RERE: variants seen among roughly 807,000 people sequenced by gnomAD.
The protein encoded by RERE is arginine-glutamic acid dipeptide repeats protein.
In RERE, 40 loss-of-function variants were observed where a neutral mutation model predicts 146.1. The ratio of observed to expected loss-of-function variants is 0.27; its 90% confidence interval spans 0.21 to 0.36. RERE has a LOEUF of 0.36. RERE is among the 10% of genes least tolerant of loss of function. The pLI, the probability that RERE is intolerant of heterozygous loss-of-function variation, is 1.00. For synonymous variants in RERE, 1,003 were observed against 866.0 expected (o/e 1.16, Z -2.78); for missense variants, 1,933 against 2,138.7 (o/e 0.90, Z 1.90).
chr1:8,741,020 A>C (rs781647125), intron 1 of RERE, among the ~76,000 whole-genome samples: 1 of 152,242 alleles, frequency 6.6e-6, no homozygotes, highest in Non-Finnish European at 1.5e-5. Context: ...TGAATGTGCT[A>C]TATTTCATAT....
At chr1:8,638,785 T>A (rs1032165908) in intron 2 of RERE, among the ~76,000 whole-genome samples, 3 of 18,760 alleles carry the variant, frequency 1.6e-4, no homozygotes, top group African/African-American at 7.4e-4. Context: ...GAAAAAAAAT[T>A]TTTTTTTTTT....
At chr1:8,384,273 T>C (rs1032684517) in intron 12 of RERE, among the ~76,000 whole-genome samples, 1 of 152,202 alleles carries the variant, frequency 6.6e-6, no homozygotes, top group African/African-American at 2.4e-5. Context: ...CCCTGAGTCA[T>C]GCGCATCCTG....
chr1:8,510,638 C>T (rs1645322933), intron 7 of RERE, among the ~76,000 whole-genome samples: 2 of 152,242 alleles, frequency 1.3e-5, no homozygotes, highest in African/African-American at 4.8e-5. Context: ...TATTTCCCTT[C>T]CAACTTGTCC....
In RERE at chr1:8,356,156, T is replaced by C. The variant is rs149905224; in HGVS notation, c.4430A>G (p.Asn1477Ser). 12 of 1,517,738 alleles carry C rather than the reference T, an allele frequency of 7.9e-6. No individual in the cohort carries two copies. The African/African-American group carries it at 1.5e-4, about 19-fold the overall frequency. 94.0% of individuals were successfully genotyped at this position (1,517,738 alleles called of 1,614,324 possible). The change falls in exon 21 of 23, where the codon AAC (asparagine) becomes AGC (serine). Residue 1477 changes from asparagine (N) to serine (S), a missense_variant. Asn to Ser is a conservative substitution (Grantham distance 46). Transcript: ENST00000400908. This position sits in a 1 kb window ranked among gnomAD's most constrained non-coding sequence, Gnocchi z 5.2. ...RFPYPPGTLP[N>S]PLLGQPPHEH... is the part of the protein sequence containing the mutation. ...GTGTGGGGGCTGTCCAAGCAGAGGG[T>C]TGGGGAGAGTGCCAGGCGGGTAGGG... is the stretch of plus-strand genomic sequence containing the variant.
chr1:8,370,711 G>T (rs1642005080), intron 12 of RERE, among the ~76,000 whole-genome samples: 1 of 152,168 alleles, frequency 6.6e-6, no homozygotes, highest in African/African-American at 2.4e-5. Context: ...TCTACAAATA[G>T]GGAGTGAAGC....
At position 8,647,679 on chromosome 1, in the gene RERE, C is replaced by CG. The variant is rs1557455616; in HGVS notation, c.325+8293_325+8294insC. ...TGTGTGTGTGTGTGTGTGTGTGTGT[C>CG]CCCTGGAACACCAAATACCACATCT... On this transcript the variant is annotated intron_variant, in intron 2 of 22. Coordinates refer to ENST00000400908, the MANE Select transcript of RERE (RefSeq NM_001042681.2). Among the ~76,000 whole-genome samples, 546 of 93,722 alleles carry CG rather than the reference C, an allele frequency of 5.8e-3. 5 individuals carry two copies. The highest frequency in any genetic ancestry group is 0.02 in the African/African-American group (525 of 26,478). 61.5% of individuals were successfully genotyped at this position (93,722 alleles called of 152,430 possible).
chr1:8,708,850 A>G (rs2124452604), intron 1 of RERE, among the ~76,000 whole-genome samples: 1 of 149,194 alleles, frequency 6.7e-6, no homozygotes, highest in South Asian at 2.1e-4. Context: ...CAAACTATCT[A>G]CTTCTTTTGC....
At chr1:8,538,807 G>A (rs1645760182) in intron 7 of RERE, among the ~76,000 whole-genome samples, 1 of 152,190 alleles carries the variant, frequency 6.6e-6, no homozygotes. Context: ...TAAGGGAAGT[G>A]ATTCAGGATG....
chr1:8,545,873 C>T (rs1398891804), intron 6 of RERE, among the ~76,000 whole-genome samples: 3 of 149,018 alleles, frequency 2.0e-5, no homozygotes, highest in African/African-American at 4.9e-5. Context: ...TTAGTAGAGA[C>T]GAGGTTTCAC....
chr1:8,775,614 A>T (rs1557535841), intron 1 of RERE, among the ~76,000 whole-genome samples: 1 of 152,214 alleles, frequency 6.6e-6, no homozygotes, highest in East Asian at 1.9e-4. Context: ...CAACTTTTTT[A>T]AAAAACAATT....
chr1:8,502,470 GT>G (rs1230846961), intron 8 of RERE, among the ~76,000 whole-genome samples: 1,941 of 122,872 alleles, frequency 0.016, 89 homozygotes, highest in African/African-American at 0.063. Flanking sequence ...TGGTGGGGGG[GT>G]CAGCCCCCTG....
intron 8 of RERE, among the ~76,000 whole-genome samples, chr1:8,501,125 G>A (rs1390521741): frequency 7.6e-5 from 11 of 145,034 alleles, no homozygotes; most frequent in Non-Finnish European, 1.5e-4. Flanking sequence ...GAAGTGAGGA[G>A]CCCCTCTGCC....
chr1:8,681,949 T>TAAGTACA (rs1016064612), intron 1 of RERE, among the ~76,000 whole-genome samples: 38 of 152,186 alleles, frequency 2.5e-4, no homozygotes, highest in African/African-American at 8.9e-4. Flanking sequence ...AATAAGCACT[T>TAAGTACA]AAGTACAATA....
At chr1:8,556,795 C>T (rs1036359717) in intron 5 of RERE, among the ~76,000 whole-genome samples, 5 of 151,946 alleles carry the variant, frequency 3.3e-5, no homozygotes, top group South Asian at 4.1e-4. Context: ...TGTTTTATAC[C>T]CCTTAGTAAG....
intron 1 of RERE, among the ~76,000 whole-genome samples, chr1:8,806,119 T>C (rs977015936): frequency 6.6e-6 from 1 of 152,134 alleles, no homozygotes; most frequent in African/African-American, 2.4e-5. Flanking sequence ...CCCAAAGTGC[T>C]GGGATTACAG....
intron 1 of RERE, among the ~76,000 whole-genome samples, chr1:8,805,338 C>A (rs1388822197): frequency 6.6e-6 from 1 of 151,910 alleles, no homozygotes; most frequent in Non-Finnish European, 1.5e-5. Context: ...TATGGTGAAA[C>A]CCCATCTCTA....
At chr1:8,789,301 A>AAAAAAAAAAATATAT in intron 1 of RERE, among the ~76,000 whole-genome samples, 5 of 24,812 alleles carry the variant, frequency 2.0e-4, no homozygotes, top group African/African-American at 6.9e-4. Flanking sequence ...AAAAAAAAAA[A>AAAAAAAAAAATATAT]ATATATATAT....
intron 1 of RERE, among the ~76,000 whole-genome samples, chr1:8,696,815 CAGG>C (rs757051108): frequency 6.6e-6 from 1 of 152,072 alleles, no homozygotes; most frequent in Non-Finnish European, 1.5e-5. Flanking sequence ...GAGGCTGAGG[CAGG>C]AGTATAGCTT....
At chr1:8,565,263 C>T (rs571172646) in intron 4 of RERE, among the ~76,000 whole-genome samples, 3 of 152,226 alleles carry the variant, frequency 2.0e-5, no homozygotes, top group African/African-American at 7.2e-5. Context: ...TTGAATTATT[C>T]TACATTGTAT....
Sources: allele counts gnomAD v4.1 joint callset (sites outside exome capture counted in the v4.1 genomes callset), GRCh38; gene constraint gnomAD v4.1.1; non-coding constraint Gnocchi (gnomAD v3.1); transcripts MANE v1.5; gene names NCBI Gene and HGNC (gene_info 2026-07-23, HGNC 2026-07-21).